MLPH: variants seen among roughly 807,000 people sequenced by gnomAD.
The protein encoded by MLPH is exophilin-3.
In MLPH, 51 loss-of-function variants were observed where a neutral mutation model predicts 72.1. The ratio of observed to expected loss-of-function variants is 0.71; its 90% CI spans 0.56 to 0.89. The LOEUF is 0.89. Ranked by LOEUF, MLPH falls within the 40% of genes least tolerant of loss-of-function variation. MLPH has a pLI of 0.00. For synonymous variants in MLPH, 301 were observed against 310.1 expected (o/e 0.97, Z 0.31); for missense variants, 743 against 759.9 (o/e 0.98, Z 0.26).
intron 2 of MLPH, among the ~76,000 whole-genome samples, chr2:237,503,984 T>C (rs1328093527): frequency 3.3e-5 from 5 of 152,092 alleles, no homozygotes; most frequent in South Asian, 4.1e-4. Context: ...ACAGGGGCCT[T>C]AGAAGCAGAA....
intron 1 of MLPH, among the ~76,000 whole-genome samples, chr2:237,489,028 C>T (rs1038316798): frequency 6.6e-6 from 1 of 152,106 alleles, no homozygotes; most frequent in African/African-American, 2.4e-5. Flanking sequence ...CTGGAGAGGG[C>T]CAGAGAGGTC....
intron 2 of MLPH, among the ~76,000 whole-genome samples, chr2:237,506,063 C>T (rs1245938558): frequency 1.3e-5 from 2 of 152,190 alleles, no homozygotes; most frequent in Non-Finnish European, 2.9e-5. Flanking sequence ...GGAGAGCAAA[C>T]TTGACTTCGA....
intron 2 of MLPH, among the ~76,000 whole-genome samples, chr2:237,496,563 G>T (rs1191431659): frequency 7.2e-5 from 11 of 152,256 alleles, no homozygotes; most frequent in Non-Finnish European, 2.9e-5. Context: ...AAGGACTTTT[G>T]TAAGAATATG....
intron 2 of MLPH, among the ~76,000 whole-genome samples, chr2:237,494,083 A>G (rs2079484734): frequency 6.6e-6 from 1 of 151,980 alleles, no homozygotes; most frequent in African/African-American, 2.4e-5. Flanking sequence ...GGGCCCCCTT[A>G]TCCTTTCTTG....
In MLPH at chr2:237,510,871, A is replaced by G. The variant is rs1385634812; in HGVS notation, c.332+76A>G. 1 of 1,574,132 alleles carries G rather than the reference A, an allele frequency of 6.4e-7. No individual in the cohort carries two copies. The highest frequency in any genetic ancestry group is 1.7e-5 in the Admixed American group (1 of 59,874). ...GTGTCCCTTCCATGGGGCTAGCTGA[A>G]GAAGGGTGGACGCACACATGCACAC... On this transcript the variant is annotated intron_variant, in intron 3 of 15. Transcript: ENST00000264605. This position sits in a 1 kb window ranked among gnomAD's most constrained non-coding sequence, Gnocchi z 4.4.
rs2080983187 is a variant in MLPH at position 237,549,231 on chromosome 2, T to C, written c.1628T>C (p.Val543Ala). The C allele has an allele frequency of 6.2e-7, 1 of 1,614,036 alleles. No homozygotes were observed. Among genetic ancestry groups the C allele is most frequent in the Non-Finnish European group, 8.5e-7 (1 of 1,179,978 alleles). Residue 543 changes from valine to alanine, a missense_variant, in exon 14 of 16, where the codon GTG becomes GCG. Coordinates refer to ENST00000264605, the MANE Select transcript of MLPH (RefSeq NM_024101.7). The stretch of plus-strand genomic sequence containing the variant: ...CTCTGTTTCTTCTAGGCAATGGCTG[T>C]GCCCTATCTTCTGAGAAGAAAGTTC... ...DPSSEAKAMAVPYLLRRKFSN... is the reference protein window; with the variant it reads ...DPSSEAKAMAAPYLLRRKFSN...
At chr2:237,535,712 G>A (rs1408054358) in intron 9 of MLPH, among the ~76,000 whole-genome samples, 8 of 152,168 alleles carry the variant, frequency 5.3e-5, no homozygotes, top group Non-Finnish European at 7.3e-5. Context: ...CATAGGAATG[G>A]GGTCAGTGCT....
chr2:237,508,562 G>A (rs769025456), intron 2 of MLPH, among the ~76,000 whole-genome samples: 4 of 152,178 alleles, frequency 2.6e-5, no homozygotes, highest in Non-Finnish European at 5.9e-5. Context: ...TGATGTCTCA[G>A]CATTATTACA....
chr2:237,553,061 G>A, intron 15 of MLPH: 1 of 467,690 alleles, frequency 2.1e-6, no homozygotes, highest in South Asian at 1.6e-5. Context: ...GCCCTCCAGA[G>A]TTTTCCCATT....
Position 237,545,406 on chromosome 2 carries a change from C to G in MLPH, c.1540-1200C>G, listed in dbSNP as rs1025627291. ...CTCATAGCCAGTTAGCCAGCTGTGCCTTTGTTGGGGTTCATTTTTGTTTAT... is the reference window on the plus strand; with the variant it reads ...CTCATAGCCAGTTAGCCAGCTGTGCGTTTGTTGGGGTTCATTTTTGTTTAT... On this transcript the variant is annotated intron_variant, in intron 12 of 15. Coordinates refer to ENST00000264605, the MANE Select transcript of MLPH (RefSeq NM_024101.7). 2.8e-5 allele frequency: 35 copies of G among 1,265,296 alleles called. No individual in the cohort carries two copies. In the Middle Eastern group the frequency reaches 1.4e-3, roughly 49 times the overall value. 78.4% of individuals were successfully genotyped at this position (1,265,296 alleles called of 1,614,324 possible).
At chr2:237,548,644 G>A (rs1043190652) in intron 13 of MLPH, among the ~76,000 whole-genome samples, 69 of 152,280 alleles carry the variant, frequency 4.5e-4, no homozygotes, top group African/African-American at 6.7e-4. Context: ...CGAGGTGGGC[G>A]GATCACAAGA....
intron 8 of MLPH, among the ~76,000 whole-genome samples, 192 bp from the exon 9 acceptor site, chr2:237,534,372 C>T (rs938492124): frequency 6.6e-6 from 1 of 152,160 alleles, no homozygotes; most frequent in Non-Finnish European, 1.5e-5. Context: ...CAAGATTTTG[C>T]TTGGTGTTCC....
chr2:237,553,905 A>T lies in MLPH; in HGVS notation c.*313A>T. On this transcript the variant is annotated 3_prime_UTR_variant, in exon 16 of 16. Coordinates refer to ENST00000264605, the MANE Select transcript of MLPH (RefSeq NM_024101.7). Reference sequence around the variant, plus strand: ...TTTGAAGGACACACCGAAGACCTTTATACTGTGATCTTTTACCCCTTTCAC... The same window carrying T: ...TTTGAAGGACACACCGAAGACCTTTTTACTGTGATCTTTTACCCCTTTCAC... 3.8e-6 allele frequency: 2 copies of T among 526,666 alleles called. No homozygotes were observed. Among genetic ancestry groups the T allele is most frequent in the Non-Finnish European group, 7.0e-6 (2 of 283,954 alleles). The allele number at this position is 526,666 out of a possible 1,614,324, so 32.6% of individuals were successfully genotyped here.
chr2:237,542,741 A>ACG (rs2080727785), intron 12 of MLPH, 82 bp downstream of exon 12: 3 of 623,282 alleles, frequency 4.8e-6, no homozygotes, highest in Admixed American at 2.8e-5. Flanking sequence ...AGTGGGGGAC[A>ACG]GTGGTGAGTG....
At chr2:237,514,272 G>A (rs2079967765) in intron 4 of MLPH, among the ~76,000 whole-genome samples, 2 of 150,786 alleles carry the variant, frequency 1.3e-5, no homozygotes, top group South Asian at 4.2e-4. Context: ...TATTTTTAAT[G>A]TTTTTTTTTA....
intron 7 of MLPH, 89 bp downstream of exon 7, chr2:237,525,894 A>C (rs947532231): frequency 2.0e-5 from 26 of 1,277,740 alleles, no homozygotes; most frequent in Non-Finnish European, 2.9e-5. Flanking sequence ...GACCTATCCA[A>C]CACACGGGCT....
At chr2:237,542,004 G>C (rs563137297) in intron 11 of MLPH, among the ~76,000 whole-genome samples, 6 of 152,336 alleles carry the variant, frequency 3.9e-5, no homozygotes, top group African/African-American at 9.6e-5. Context: ...GCAGGGATTA[G>C]CCGTGAAACC....
chr2:237,518,154 G>A (rs1255063103), intron 4 of MLPH: 2 of 358,240 alleles, frequency 5.6e-6, no homozygotes, highest in Non-Finnish European at 1.1e-5. Flanking sequence ...GTGGGTAGGT[G>A]AATACATGGA....
chr2:237,532,466 GC>G (rs1336533588), intron 8 of MLPH, among the ~76,000 whole-genome samples: 1 of 152,182 alleles, frequency 6.6e-6, no homozygotes, highest in Non-Finnish European at 1.5e-5. Context: ...CGCACCCTCC[GC>G]CCCCTCACTC....
Sources: allele counts gnomAD v4.1 joint callset (sites outside exome capture counted in the v4.1 genomes callset), GRCh38; gene constraint gnomAD v4.1.1; non-coding constraint Gnocchi (gnomAD v3.1); transcripts MANE v1.5; gene names NCBI Gene and HGNC (gene_info 2026-07-23, HGNC 2026-07-21).